Variants in RARB observed in about 807,000 individuals in gnomAD.
RARB encodes the protein retinoic acid receptor beta, also known as HBV-activated protein.
RARB carries 17 observed loss-of-function variants against 51.9 expected under a neutral mutation model. The observed-to-expected ratio is 0.33, with a 90% CI of 0.22 to 0.49. RARB has a LOEUF of 0.49. RARB is among the 20% of genes least tolerant of loss of function. RARB has a pLI of 0.99. For missense variants in RARB, 369 were observed against 550.8 expected (o/e 0.67, Z 3.30); for synonymous variants, 215 against 195.4 (o/e 1.10, Z -0.84).
upstream of RARB, among the ~76,000 whole-genome samples, chr3:25,427,873 G>A (rs529227283): frequency 4.6e-5 from 7 of 152,272 alleles, no homozygotes; most frequent in South Asian, 2.1e-4. Context: ...GTGTGGGCTG[G>A]GGGGCGAGGC....
chr3:25,263,464 G>C (rs1187488113), intron 5 of RARB, among the ~76,000 whole-genome samples: 1 of 152,108 alleles, frequency 6.6e-6, no homozygotes, highest in African/African-American at 2.4e-5. Context: ...ACTTAAATGA[G>C]AGGCCACTAT....
rs562580764 is a variant in RARB, at chr3:24,834,765, C to T, written c.-459+5362C>T. 5.3e-5 allele frequency among the ~76,000 whole-genome samples: 8 copies of T among 152,258 alleles called. No homozygotes were observed. In the South Asian group the frequency reaches 1.5e-3, roughly 28 times the overall value. ...AGCAGTTTTATTCACAAAAGAGTAA[C>T]AGGACTGCAAGAAGAATTTGTTCAA... On this transcript the variant is annotated intron_variant, in intron 1 of 11. Coordinates refer to the RARB transcript ENST00000383772.
At chr3:25,505,680 C>A (rs1697547566) in intron 3 of RARB, among the ~76,000 whole-genome samples, 1 of 150,944 alleles carries the variant, frequency 6.6e-6, no homozygotes, top group Admixed American at 6.6e-5. Flanking sequence ...GAAAAAAAAA[C>A]TCGATTTTTA....
chr3:24,908,788 T>G (rs925489296), intron 2 of RARB, among the ~76,000 whole-genome samples: 3 of 151,558 alleles, frequency 2.0e-5, no homozygotes, highest in African/African-American at 7.3e-5. Flanking sequence ...CCTTTGTAAT[T>G]CTATAAACCA....
chr3:24,942,476 TTGA>T (rs749876949), intron 2 of RARB, among the ~76,000 whole-genome samples: 1 of 152,200 alleles, frequency 6.6e-6, no homozygotes, highest in Non-Finnish European at 1.5e-5. Context: ...TCAACAAGAC[TTGA>T]TGGCTAACTA....
At chr3:25,363,638 C>A (rs1274679991) in intron 5 of RARB, among the ~76,000 whole-genome samples, 2 of 152,178 alleles carry the variant, frequency 1.3e-5, no homozygotes, top group East Asian at 3.9e-4. Flanking sequence ...GCCACCATTG[C>A]TTCTCAACTA....
intron 5 of RARB, among the ~76,000 whole-genome samples, chr3:25,350,194 G>A (rs990544556): frequency 6.6e-6 from 1 of 152,154 alleles, no homozygotes; most frequent in Non-Finnish European, 1.5e-5. Flanking sequence ...CAAACTCAAG[G>A]AGACAGTAGA....
intron 5 of RARB, among the ~76,000 whole-genome samples, chr3:25,354,359 G>T (rs1317697053): frequency 3.9e-5 from 6 of 152,098 alleles, no homozygotes; most frequent in Non-Finnish European, 1.5e-5. Flanking sequence ...TTATGATTGT[G>T]TGTACCCTGA....
chr3:24,835,547 C>G (rs1702333940), intron 1 of RARB, among the ~76,000 whole-genome samples: 1 of 152,146 alleles, frequency 6.6e-6, no homozygotes, highest in South Asian at 2.1e-4. Flanking sequence ...ATTTATTACT[C>G]ACACCCAGTA....
chr3:24,848,157 T>C (rs1292997435), intron 1 of RARB, among the ~76,000 whole-genome samples: 1 of 152,210 alleles, frequency 6.6e-6, no homozygotes, highest in Non-Finnish European at 1.5e-5. Context: ...CCTCCTGAGC[T>C]CAAAGGATCC....
intron 5 of RARB, among the ~76,000 whole-genome samples, chr3:25,241,111 G>A (rs1702420217): frequency 6.6e-6 from 1 of 152,060 alleles, no homozygotes; most frequent in African/African-American, 2.4e-5. Context: ...CAGTTTATTT[G>A]TGTATAGTTG....
upstream of RARB, among the ~76,000 whole-genome samples, chr3:25,424,636 C>G (rs929896405): frequency 2.6e-5 from 4 of 152,256 alleles, no homozygotes; most frequent in Non-Finnish European, 5.9e-5. Flanking sequence ...TCCCCCAGCC[C>G]TGTGCCTGTG....
At chr3:25,405,106 C>G (rs1475238022) in intron 5 of RARB, among the ~76,000 whole-genome samples, 1 of 152,122 alleles carries the variant, frequency 6.6e-6, no homozygotes, top group Non-Finnish European at 1.5e-5. Flanking sequence ...CCCTGAGAGG[C>G]CAAAGCTATT....
chr3:24,900,043 G>C (rs1404169978), intron 2 of RARB, among the ~76,000 whole-genome samples: 2 of 152,140 alleles, frequency 1.3e-5, no homozygotes, highest in Non-Finnish European at 1.5e-5. Context: ...ATAAAATTCA[G>C]TCTTGATTGA....
In RARB at chr3:24,978,703, C is replaced by A. The variant is rs561240663; in HGVS notation, c.-379-81422C>A. On this transcript the variant is annotated intron_variant, in intron 2 of 11. Transcript: ENST00000383772. ...TTTGTTAATCTTTTCAAAAAACCAG[C>A]TCCTGGATTGATTTTTTTTTTTGAA... 7.3e-5 allele frequency among the ~76,000 whole-genome samples: 11 copies of A among 151,618 alleles called. No homozygotes were observed. The South Asian group carries it at 1.5e-3, about 20-fold the overall frequency.
intron 2 of RARB, among the ~76,000 whole-genome samples, chr3:24,906,976 A>T (rs1694881339): frequency 6.6e-6 from 1 of 152,116 alleles, no homozygotes; most frequent in Admixed American, 6.6e-5. Flanking sequence ...ATGATGGTGA[A>T]TTTCACAAGC....
intron 5 of RARB, among the ~76,000 whole-genome samples, chr3:25,308,028 T>C (rs1704194616): frequency 6.6e-6 from 1 of 152,204 alleles, no homozygotes; most frequent in Non-Finnish European, 1.5e-5. Flanking sequence ...ATCCCTGCCC[T>C]GTAGGATTGT....
At chr3:25,389,205 T>C (rs1449652848) in intron 5 of RARB, among the ~76,000 whole-genome samples, 2 of 152,178 alleles carry the variant, frequency 1.3e-5, no homozygotes, top group African/African-American at 4.8e-5. Flanking sequence ...CCAGAGTTGA[T>C]TGGGTGACAC....
intron 4 of RARB, among the ~76,000 whole-genome samples, chr3:25,150,156 G>T (rs1017946780): frequency 6.6e-6 from 1 of 151,142 alleles, no homozygotes; most frequent in Non-Finnish European, 1.5e-5. Flanking sequence ...AGCCGAGATC[G>T]CATCACTGCA....
Sources: allele counts gnomAD v4.1 joint callset (sites outside exome capture counted in the v4.1 genomes callset), GRCh38; gene constraint gnomAD v4.1.1; transcripts MANE v1.5; gene names NCBI Gene and HGNC (gene_info 2026-07-23, HGNC 2026-07-21).